CTNNA3: variants seen among roughly 807,000 people sequenced by gnomAD.
CTNNA3 encodes the protein catenin alpha 3, also known as catenin alpha-3.
In CTNNA3, 76 loss-of-function variants were observed where a neutral mutation model predicts 95.7. The observed-to-expected ratio is 0.79, with a 90% CI of 0.66 to 0.96. CTNNA3 has a LOEUF of 0.96. Among genes scored for constraint, CTNNA3 ranks in the 40% least tolerant of loss-of-function variants. The probability of loss-of-function intolerance (pLI) is 0.00; values close to 1 mark genes in which losing one functional copy is unlikely to be tolerated. For missense variants in CTNNA3, 1,191 were observed against 1,089.8 expected (o/e 1.09, Z -1.31); for synonymous variants, 431 against 374.4 (o/e 1.15, Z -1.74).
intron 5 of CTNNA3, among the ~76,000 whole-genome samples, chr10:67,451,878 T>G (rs1846997487): frequency 6.6e-6 from 1 of 152,190 alleles, no homozygotes; most frequent in Non-Finnish European, 1.5e-5. Flanking sequence ...GGCCTATATT[T>G]TATTCTTCAT....
At chr10:66,815,875 A>T (rs1435466689) in intron 7 of CTNNA3, among the ~76,000 whole-genome samples, 1 of 152,184 alleles carries the variant, frequency 6.6e-6, no homozygotes, top group Non-Finnish European at 1.5e-5. Flanking sequence ...AAATAAAAGG[A>T]CATAAGACAG....
chr10:67,581,456 T>G (rs1842393388), intron 3 of CTNNA3, among the ~76,000 whole-genome samples: 1 of 152,206 alleles, frequency 6.6e-6, no homozygotes, highest in Non-Finnish European at 1.5e-5. Flanking sequence ...CTGGATTTGT[T>G]TCACCCTTAT....
At chr10:67,514,685 T>G (rs190250718) in intron 5 of CTNNA3, among the ~76,000 whole-genome samples, 131 of 151,484 alleles carry the variant, frequency 8.6e-4, no homozygotes, top group Middle Eastern at 3.4e-3. Context: ...TGTTTGTTTG[T>G]TTGGTTGGTT....
intron 4 of CTNNA3, among the ~76,000 whole-genome samples, chr10:67,529,247 C>T (rs1840244573): frequency 6.6e-6 from 1 of 151,588 alleles, no homozygotes; most frequent in African/African-American, 2.4e-5. Flanking sequence ...ATAGAAAGAC[C>T]ATAGTTAACA....
chr10:67,037,943 G>A (rs1854164276), intron 7 of CTNNA3, among the ~76,000 whole-genome samples: 2 of 152,012 alleles, frequency 1.3e-5, no homozygotes. Flanking sequence ...ATTCAAACAG[G>A]AGGCAGAGAA....
intron 15 of CTNNA3, among the ~76,000 whole-genome samples, chr10:65,994,468 T>C (rs2078609285): frequency 6.6e-6 from 1 of 152,036 alleles, no homozygotes; most frequent in Admixed American, 6.5e-5. Context: ...TCTCTGAATG[T>C]ATCATCTCAT....
intron 10 of CTNNA3, among the ~76,000 whole-genome samples, chr10:66,552,345 C>A (rs1427609934): frequency 6.6e-6 from 1 of 152,160 alleles, no homozygotes; most frequent in African/African-American, 2.4e-5. Context: ...CCATTACCAC[C>A]ATCTATATGA....
chr10:66,090,363 C>T (rs1242172653), intron 14 of CTNNA3, among the ~76,000 whole-genome samples: 1 of 151,966 alleles, frequency 6.6e-6, no homozygotes, highest in Non-Finnish European at 1.5e-5. Flanking sequence ...TGTGAATCCA[C>T]TCAACAAATA....
chr10:66,727,810 A>G (rs1377988939), intron 9 of CTNNA3, among the ~76,000 whole-genome samples: 1 of 152,182 alleles, frequency 6.6e-6, no homozygotes, highest in African/African-American at 2.4e-5. Flanking sequence ...GAACAAATGC[A>G]CATCAAGTAA....
chr10:67,128,196 G>C (rs145973997), intron 7 of CTNNA3, among the ~76,000 whole-genome samples: 1 of 151,984 alleles, frequency 6.6e-6, no homozygotes, highest in African/African-American at 2.4e-5. Flanking sequence ...ATATTATTCT[G>C]GGTGTTTCTG....
intron 9 of CTNNA3, among the ~76,000 whole-genome samples, chr10:66,756,185 G>A (rs1430655388): frequency 6.6e-6 from 1 of 152,106 alleles, no homozygotes; most frequent in Non-Finnish European, 1.5e-5. Flanking sequence ...ATAAAATAAT[G>A]AGAGGAAGAC....
chr10:66,157,834 G>A (rs973896974), intron 13 of CTNNA3, among the ~76,000 whole-genome samples: 5 of 151,414 alleles, frequency 3.3e-5, no homozygotes, highest in Non-Finnish European at 7.4e-5. Context: ...AACATCTACT[G>A]TTTTTTTTAT....
chr10:67,069,126 A>G lies in CTNNA3; in HGVS notation c.1047+111191T>C, dbSNP rs1324368427. Among the ~76,000 whole-genome samples the G allele has an allele frequency of 2.0e-5, 3 of 152,068 alleles. No individual in the cohort carries two copies. In the East Asian group the frequency reaches 5.8e-4, roughly 29 times the overall value. On this transcript the variant is annotated intron_variant, in intron 7 of 17. Coordinates refer to ENST00000433211, the MANE Select transcript of CTNNA3 (RefSeq NM_013266.4). The stretch of plus-strand genomic sequence containing the variant: ...AGAAGAAGACAAAAGAAGTGGCATG[A>G]GTTTAAGAGGAAATGGGAGGTAAAC...
intron 7 of CTNNA3, among the ~76,000 whole-genome samples, chr10:66,863,788 G>A (rs1443154148): frequency 1.3e-5 from 2 of 152,058 alleles, no homozygotes; most frequent in African/African-American, 4.8e-5. Context: ...GTGTCTAATT[G>A]TGTCACTAGG....
At chr10:65,960,284 C>A (rs1435089394) in intron 17 of CTNNA3, among the ~76,000 whole-genome samples, 2 of 152,010 alleles carry the variant, frequency 1.3e-5, no homozygotes, top group Non-Finnish European at 2.9e-5. Flanking sequence ...CACCTGTAAT[C>A]CCAGCACTTT....
intron 7 of CTNNA3, among the ~76,000 whole-genome samples, chr10:66,831,686 A>T (rs975763556): frequency 1.3e-5 from 2 of 152,066 alleles, no homozygotes; most frequent in African/African-American, 2.4e-5. Context: ...TGTGCAGAGA[A>T]GAAACAAAAA....
chr10:66,887,805 C>T (rs1845101479), intron 7 of CTNNA3, among the ~76,000 whole-genome samples: 7 of 152,066 alleles, frequency 4.6e-5, no homozygotes, highest in Admixed American at 4.6e-4. Context: ...GAGGAAGGCC[C>T]AGGAAATGCA....
intron 12 of CTNNA3, among the ~76,000 whole-genome samples, chr10:66,348,733 G>A (rs72802865): frequency 0.038 from 5,797 of 152,108 alleles, 215 homozygotes; most frequent in Non-Finnish European, 0.06. Context: ...TTTACTCTAC[G>A]AGTGTCCGCT....
At chr10:66,650,890 G>T (rs1845871812) in intron 9 of CTNNA3, among the ~76,000 whole-genome samples, 1 of 152,140 alleles carries the variant, frequency 6.6e-6, no homozygotes. Context: ...CTTCCACAAA[G>T]AACAAGGCTT....
Sources: allele counts gnomAD v4.1 joint callset (sites outside exome capture counted in the v4.1 genomes callset), GRCh38; gene constraint gnomAD v4.1.1; transcripts MANE v1.5; gene names NCBI Gene and HGNC (gene_info 2026-07-23, HGNC 2026-07-21).